The following TMEM44 variants were observed in gnomAD, a reference collection of about 807,000 sequenced individuals.
The protein encoded by TMEM44 is transmembrane protein 44.
In TMEM44, 43 loss-of-function variants were observed where a neutral mutation model predicts 47.8. The ratio of observed to expected loss-of-function variants is 0.90; its 90% CI spans 0.70 to 1.16. The LOEUF is 1.16. Among genes scored for constraint, TMEM44 ranks in the 50% most tolerant of loss-of-function variants. The pLI is 0.00. For missense variants in TMEM44, 568 were observed against 555.2 expected, an observed-to-expected ratio of 1.02 and a Z score of -0.23; for synonymous variants, 277 against 238.8, an observed-to-expected ratio of 1.16 and a Z score of -1.48.
intron 3 of TMEM44, among the ~76,000 whole-genome samples, chr3:194,624,303 C>T (rs991556337): frequency 2.6e-5 from 4 of 151,524 alleles, no homozygotes; most frequent in Middle Eastern, 3.5e-3. Context: ...GCTGGGATTC[C>T]GGGTGTAAGC....
chr3:194,625,062 C>A (rs115792684), intron 3 of TMEM44, among the ~76,000 whole-genome samples: 192 of 152,248 alleles, frequency 1.3e-3, no homozygotes, highest in African/African-American at 4.4e-3. Flanking sequence ...CATGGCTGAC[C>A]CTTCTCAAGA....
chr3:194,592,816 G>A (rs746355598), intron 9 of TMEM44, among the ~76,000 whole-genome samples: 3 of 152,142 alleles, frequency 2.0e-5, no homozygotes, highest in Non-Finnish European at 4.4e-5. Context: ...GTTTCACCAT[G>A]TTGGCCAGGC....
At chr3:194,614,797 G>C (rs1715700616) in intron 7 of TMEM44, among the ~76,000 whole-genome samples, 1 of 152,144 alleles carries the variant, frequency 6.6e-6, no homozygotes, top group Non-Finnish European at 1.5e-5. Flanking sequence ...GCTTCAAGTG[G>C]GCATGCGACT....
chr3:194,618,331 T>C (rs920096167), intron 5 of TMEM44, among the ~76,000 whole-genome samples: 4 of 151,978 alleles, frequency 2.6e-5, no homozygotes, highest in Middle Eastern at 3.2e-3. Flanking sequence ...GCAGCCTTTA[T>C]ATACAGAAAG....
At chr3:194,598,241 C>T (rs542998604) in intron 9 of TMEM44, among the ~76,000 whole-genome samples, 43 of 152,316 alleles carry the variant, frequency 2.8e-4, no homozygotes, top group African/African-American at 9.9e-4. Flanking sequence ...CACATGCCCA[C>T]GGTCCTGTCT....
intron 9 of TMEM44, among the ~76,000 whole-genome samples, chr3:194,594,664 A>C (rs1002073292): frequency 6.6e-6 from 1 of 152,152 alleles, no homozygotes; most frequent in African/African-American, 2.4e-5. Context: ...ACAAATTACT[A>C]AACTGATGGT....
At chr3:194,628,348 G>A in intron 2 of TMEM44, 35 bp downstream of exon 2, 1 of 1,598,054 alleles carries the variant, frequency 6.3e-7, no homozygotes, top group Non-Finnish European at 8.5e-7. Flanking sequence ...CCTTAGTGCT[G>A]GCCTAAGCCA....
At chr3:194,615,178 G>A (rs1715742594) in intron 7 of TMEM44, among the ~76,000 whole-genome samples, 1 of 152,090 alleles carries the variant, frequency 6.6e-6, no homozygotes. Flanking sequence ...GGAGGCGGAG[G>A]TTGCAGTGAG....
At chr3:194,618,552 TATAGTTA>T (rs936193930) in intron 5 of TMEM44, among the ~76,000 whole-genome samples, 3 of 123,632 alleles carry the variant, frequency 2.4e-5, no homozygotes, top group African/African-American at 5.7e-5. Flanking sequence ...TTAAATTATA[TATAGTTA>T]AGTTTATATA....
intron 9 of TMEM44, among the ~76,000 whole-genome samples, chr3:194,599,502 T>C (rs919718531): frequency 6.6e-6 from 1 of 152,180 alleles, no homozygotes; most frequent in Non-Finnish European, 1.5e-5. Flanking sequence ...CGGCCATTGG[T>C]TGGTAGGCTT....
rs2236594 is a variant in TMEM44 at position 194,588,036 on chromosome 3, T to C, written c.*493A>G. On this transcript the variant is annotated 3_prime_UTR_variant, in exon 10 of 10. Coordinates refer to ENST00000347147, the MANE Select transcript of TMEM44 (RefSeq NM_001011655.3). The stretch of plus-strand genomic sequence containing the variant: ...ATAACCCAAGTGGGTGACTGGGGGG[T>C]GGAAGCCAGGTCTCGGTTCCTGTGT... 18,074 of 153,384 alleles carry C rather than the reference T, an allele frequency of 0.12. 1,319 individuals carry two copies. Among genetic ancestry groups the C allele is most frequent in the African/African-American group, 0.21 (8,502 of 41,472 alleles). 9.5% of individuals were successfully genotyped at this position (153,384 alleles called of 1,614,324 possible). A position where few individuals can be genotyped will look rare whatever the true frequency, so the allele number is the denominator to read the frequency against.
In TMEM44 at chr3:194,588,556, C is replaced by A. The variant is rs1305458128; in HGVS notation, c.1260G>T (p.Arg420Ser). Residue 420 changes from arginine to serine, a missense_variant, in exon 10 of 10, where the codon AGG becomes AGT. Transcript: ENST00000347147. ...LGSQVHQDSV[R>S]TAHLSDDD is the part of the protein sequence containing the mutation. The stretch of plus-strand genomic sequence containing the variant: ...AATCATCATCACTCAGGTGTGCTGT[C>A]CTCACAGAGTCCTGGTGCACCTGGG... 4 of 1,614,074 alleles carry A rather than the reference C, an allele frequency of 2.5e-6. No homozygotes were observed. Among genetic ancestry groups the A allele is most frequent in the Admixed American group, 1.7e-5 (1 of 60,002 alleles).
intron 9 of TMEM44, among the ~76,000 whole-genome samples, chr3:194,594,153 A>ATCTATCTATCTATCTATCTATCTGTCTG (rs772169628): frequency 0.016 from 2,436 of 148,374 alleles, 30 homozygotes; most frequent in Non-Finnish European, 0.025. Context: ...CTATCTATCT[A>ATCTATCTATCTATCTATCTATCTGTCTG]TCTATCTATC....
chr3:194,623,674 T>C lies in TMEM44; in HGVS notation c.380A>G (p.Lys127Arg). The change falls in exon 4 of 10, where the codon AAG (lysine) becomes AGG (arginine). Residue 127 changes from lysine (K) to arginine (R), a missense_variant. Transcript: ENST00000347147. ...SNSDREARER[K>R]RRRQLRASVF... ...ACTGGCCCTGAGCTGCCGCCTCCTC[T>C]TCCTCTCTCGGGCTTCCCGATCTGC... The C allele has an allele frequency of 6.2e-7, 1 of 1,613,768 alleles. No homozygotes were observed. Among genetic ancestry groups the C allele is most frequent in the Non-Finnish European group, 8.5e-7 (1 of 1,179,980 alleles).
intron 3 of TMEM44, 107 bp downstream of exon 3, chr3:194,625,786 CTTTG>C (rs1475474321): frequency 6.0e-6 from 6 of 992,804 alleles, no homozygotes; most frequent in African/African-American, 1.6e-5. Flanking sequence ...AGCCTTTCTC[CTTTG>C]TTTGTGCCTG....
intron 8 of TMEM44, among the ~76,000 whole-genome samples, chr3:194,605,583 T>A (rs1278994784): frequency 6.6e-6 from 1 of 152,012 alleles, no homozygotes; most frequent in Non-Finnish European, 1.5e-5. Flanking sequence ...AACCATCAGA[T>A]CTCGTGAGAC....
intron 9 of TMEM44, among the ~76,000 whole-genome samples, chr3:194,593,517 T>C (rs752264389): frequency 9.9e-5 from 15 of 152,178 alleles, no homozygotes; most frequent in Non-Finnish European, 2.1e-4. Context: ...CAAGATTCAT[T>C]TGTAGTCAGT....
chr3:194,602,719 A>G (rs979634184), intron 9 of TMEM44, among the ~76,000 whole-genome samples: 4 of 152,058 alleles, frequency 2.6e-5, no homozygotes, highest in Non-Finnish European at 4.4e-5. Flanking sequence ...GTCCGTGGCC[A>G]GGTAGTGCTC....
chr3:194,611,470 A>C lies in TMEM44; in HGVS notation c.913-450T>G, dbSNP rs1272810716. The stretch of plus-strand genomic sequence containing the variant: ...AGTGAAGCTGTGATCCAGGCACTGC[A>C]TTCCAGCCTAGGGGACAGAGTGAGA... On this transcript the variant is annotated intron_variant, in intron 7 of 9. Transcript: ENST00000347147. This position sits in a 1 kb window ranked among gnomAD's most constrained non-coding sequence, Gnocchi z 4.2. Among the ~76,000 whole-genome samples the C allele has an allele frequency of 2.0e-5, 3 of 152,194 alleles. No individual in the cohort carries two copies. Among genetic ancestry groups the C allele is most frequent in the Non-Finnish European group, 4.4e-5 (3 of 68,038 alleles).
Sources: allele counts gnomAD v4.1 joint callset (sites outside exome capture counted in the v4.1 genomes callset), GRCh38; gene constraint gnomAD v4.1.1; non-coding constraint Gnocchi (gnomAD v3.1); transcripts MANE v1.5; gene names NCBI Gene and HGNC (gene_info 2026-07-23, HGNC 2026-07-21).